The following ITGB2 variants were observed in gnomAD, a reference collection of about 807,000 sequenced individuals.
ITGB2 encodes integrin subunit beta 2, also known as integrin beta-2.
ITGB2 carries 56 observed loss-of-function variants against 86.8 expected under a neutral mutation model. That is an observed-to-expected ratio of 0.65 (90% CI 0.52 to 0.81). The LOEUF is 0.81. ITGB2 is among the 30% of genes least tolerant of loss of function. The probability of loss-of-function intolerance (pLI) is 0.00; values close to 1 mark genes in which losing one functional copy is unlikely to be tolerated. For missense variants in ITGB2, 948 were observed against 1,061.2 expected (o/e 0.89, Z 1.48); for synonymous variants, 457 against 450.4 (o/e 1.01, Z -0.19).
In ITGB2 at chr21:44,886,082, T is replaced by C. The variant is rs2083693815; in HGVS notation, c.*286A>G. The stretch of plus-strand genomic sequence containing the variant: ...GTAAATAAATTGGCACCACCTTTAA[T>C]CAGACTGATGTCCTGACTTGCACAG... On this transcript the variant is annotated 3_prime_UTR_variant, in exon 16 of 16. Coordinates refer to ENST00000652462, the MANE Select transcript of ITGB2 (RefSeq NM_000211.5). 3.8e-6 allele frequency: 2 copies of C among 526,240 alleles called. No individual in the cohort carries two copies. The highest frequency in any genetic ancestry group is 6.9e-6 in the Non-Finnish European group (2 of 290,716). The allele number at this position is 526,240 out of a possible 1,614,324, so 32.6% of individuals were successfully genotyped here. A position where few individuals can be genotyped will look rare whatever the true frequency, so the allele number is the denominator to read the frequency against.
chr21:44,910,598 A>G, intron 2 of ITGB2, 127 bp downstream of exon 2: 1 of 1,372,148 alleles, frequency 7.3e-7, no homozygotes, highest in African/African-American at 1.4e-5. Context: ...TCCCCGACCT[A>G]CCCCCAGTGG....
At chr21:44,906,760 C>G (rs1183956436) in intron 4 of ITGB2, among the ~76,000 whole-genome samples, 155 bp downstream of exon 4, 1 of 152,196 alleles carries the variant, frequency 6.6e-6, no homozygotes, top group Non-Finnish European at 1.5e-5. Context: ...GCTCAGCTTT[C>G]CAGCAGCCTT....
intron 4 of ITGB2, among the ~76,000 whole-genome samples, chr21:44,904,318 C>T (rs1043453216): frequency 1.2e-4 from 18 of 151,574 alleles, no homozygotes; most frequent in African/African-American, 3.6e-4. Flanking sequence ...ACACGCACTC[C>T]TACACATAAA....
At chr21:44,899,410 G>A (rs760319820) in intron 7 of ITGB2, among the ~76,000 whole-genome samples, 1 of 152,238 alleles carries the variant, frequency 6.6e-6, no homozygotes, top group Non-Finnish European at 1.5e-5. Flanking sequence ...TCTCACCGTG[G>A]GACTGGGGAT....
In ITGB2 at chr21:44,903,503, G is replaced by A. The variant is rs2083996626; in HGVS notation, c.361C>T (p.Arg121Trp). 9 of 1,613,960 alleles carry A rather than the reference G, an allele frequency of 5.6e-6. No individual in the cohort carries two copies. The highest frequency in any genetic ancestry group is 2.7e-5 in the African/African-American group (2 of 74,904). The change falls in exon 5 of 16, where the codon CGG (arginine) becomes TGG (tryptophan). Residue 121 changes from arginine to tryptophan, a missense_variant. By Grantham distance (101) the Arg-to-Trp change is moderately radical (BLOSUM62 -3). Coordinates refer to ENST00000652462, the MANE Select transcript of ITGB2 (RefSeq NM_000211.5). ...QAAAFNVTFR[R>W]AKGYPIDLYY... ...AGGTCGATGGGGTAGCCCTTGGCCC[G>A]CCGGAAGGTCACGTTGAACGCTGCT... is the stretch of plus-strand genomic sequence containing the variant.
intron 8 of ITGB2, among the ~76,000 whole-genome samples, chr21:44,897,699 A>G (rs1033371830): frequency 6.6e-6 from 1 of 152,114 alleles, no homozygotes; most frequent in African/African-American, 2.4e-5. Context: ...CACCCTGAAG[A>G]ACGGGGCACG....
Position 44,890,024 on chromosome 21 carries a change from GTCACAC to G in ITGB2, c.1605_1610del (p.Glu535_Cys536del). On this transcript the variant is annotated inframe_deletion, in exon 12 of 16. Transcript: ENST00000652462. ...CGTTGTAGCGCTCACAGTTGATGGTGTCACACTCGCAGTACTGCCCGTATATCAGCT... is the reference window on the plus strand; with the variant it reads ...CGTTGTAGCGCTCACAGTTGATGGTGTCGCAGTACTGCCCGTATATCAGCT... The G allele has an allele frequency of 6.2e-7, 1 of 1,613,494 alleles. No homozygotes were observed. Among genetic ancestry groups the G allele is most frequent in the Non-Finnish European group, 8.5e-7 (1 of 1,180,032 alleles).
At chr21:44,895,295 C>T (rs761836735) in intron 8 of ITGB2, among the ~76,000 whole-genome samples, 1 of 152,066 alleles carries the variant, frequency 6.6e-6, no homozygotes, top group Non-Finnish European at 1.5e-5. Flanking sequence ...CTCGGGAGGC[C>T]GATGTGGGAA....
rs765800565 is a variant in ITGB2 at position 44,886,785 on chromosome 21, C to T, written c.2198G>A (p.Arg733Gln). 36 of 1,613,928 alleles carry T rather than the reference C, an allele frequency of 2.2e-5. No individual in the cohort carries two copies. Among genetic ancestry groups the T allele is most frequent in the South Asian group, 5.5e-5 (5 of 91,088 alleles). Reference protein sequence around the residue: ...WKALIHLSDLREYRRFEKEKL... With the variant: ...WKALIHLSDLQEYRRFEKEKL... The stretch of plus-strand genomic sequence containing the variant: ...CTCCTTCTCAAAGCGCCTGTACTCC[C>T]GGAGGTCGCTCAGGTGGATCAGAGC... The change falls in exon 15 of 16, where the codon CGG (arginine) becomes CAG (glutamine). Residue 733 changes from arginine (R) to glutamine (Q), a missense_variant. Physicochemically the swap from Arg to Gln is conservative, Grantham distance 43. Transcript: ENST00000652462.
chr21:44,910,630 C>T (rs531564905), intron 2 of ITGB2, 95 bp downstream of exon 2: 32 of 1,490,836 alleles, frequency 2.1e-5, no homozygotes, highest in East Asian at 6.9e-5. Context: ...CCCAGCCTCC[C>T]GGGAACTTCT....
chr21:44,889,635 A>T (rs914750667), intron 12 of ITGB2, 140 bp from the exon 13 acceptor site: 2 of 894,614 alleles, frequency 2.2e-6, no homozygotes, highest in Non-Finnish European at 3.5e-6. Context: ...GCATGGGGCC[A>T]CTAGCCAGGC....
rs552613631 is a variant in ITGB2, at chr21:44,886,551, GC to G, written c.2248-122del. The G allele has an allele frequency of 4.9e-4, 685 of 1,394,894 alleles. 2 individuals are homozygous for G. The highest frequency in any genetic ancestry group is 2.8e-3 in the South Asian group (239 of 86,216). The allele number at this position is 1,394,894 out of a possible 1,614,324, so 86.4% of individuals were successfully genotyped here. A position where few individuals can be genotyped will look rare whatever the true frequency, so the allele number is the denominator to read the frequency against. ...TTGAGGAAGAGCTAGACGTGGGGCAGCCCCCCCAGGGTCCCAGCACCGGCAG... is the reference window on the plus strand; with the variant it reads ...TTGAGGAAGAGCTAGACGTGGGGCAGCCCCCCAGGGTCCCAGCACCGGCAG... On this transcript the variant is annotated intron_variant, in intron 15 of 15. Transcript: ENST00000652462.
upstream of ITGB2, chr21:44,920,905 C>A (rs2084294987): frequency 6.6e-6 from 1 of 152,456 alleles, no homozygotes; most frequent in Non-Finnish European, 1.5e-5. Flanking sequence ...CGTCTAGAAA[C>A]CTCAGCTGGA....
chr21:44,915,053 G>A (rs2084185313), intron 1 of ITGB2, among the ~76,000 whole-genome samples: 1 of 152,190 alleles, frequency 6.6e-6, no homozygotes, highest in African/African-American at 2.4e-5. Context: ...TTGAGACGGA[G>A]TTGCGCTGTC....
chr21:44,904,167 C>T (rs1031860068), intron 4 of ITGB2, among the ~76,000 whole-genome samples: 15 of 152,056 alleles, frequency 9.9e-5, no homozygotes, highest in African/African-American at 3.4e-4. Context: ...GGGAGGGTGA[C>T]GAAGCCTGTC....
chr21:44,892,416 T>C (rs1023545340), intron 10 of ITGB2, among the ~76,000 whole-genome samples: 1 of 152,110 alleles, frequency 6.6e-6, no homozygotes, highest in Non-Finnish European at 1.5e-5. Flanking sequence ...GGGCAAGAGT[T>C]TGAGACCAGC....
At position 44,886,333 on chromosome 21, in the gene ITGB2, G is replaced by T. The variant is rs1441546663; in HGVS notation, c.*35C>A. The T allele has an allele frequency of 1.3e-6, 2 of 1,594,282 alleles. No individual in the cohort carries two copies. The highest frequency in any genetic ancestry group is 8.6e-7 in the Non-Finnish European group (1 of 1,161,942). On this transcript the variant is annotated 3_prime_UTR_variant, in exon 16 of 16. Coordinates refer to ENST00000652462, the MANE Select transcript of ITGB2 (RefSeq NM_000211.5). ...TCGGCCGCGTGATGGGGCAGACATG[G>T]TGGGTCCTGACGGCCTTGTCTTCAC...
intron 9 of ITGB2, chr21:44,894,532 CT>C: frequency 3.7e-6 from 1 of 273,410 alleles, no homozygotes; most frequent in Admixed American, 4.6e-5. Flanking sequence ...GGGTTAAGGG[CT>C]TCTCTGGAGC....
intron 12 of ITGB2, 79 bp from the exon 13 acceptor site, chr21:44,889,574 C>T: frequency 7.8e-7 from 1 of 1,278,146 alleles, no homozygotes; most frequent in Non-Finnish European, 1.1e-6. Context: ...TGCGGTTGCT[C>T]CCTCCGGCCC....
Sources: allele counts gnomAD v4.1 joint callset (sites outside exome capture counted in the v4.1 genomes callset), GRCh38; gene constraint gnomAD v4.1.1; transcripts MANE v1.5; gene names NCBI Gene and HGNC (gene_info 2026-07-23, HGNC 2026-07-21).